The following FOCAD variants were observed in gnomAD, a reference collection of about 807,000 sequenced individuals.
The protein encoded by FOCAD is focadhesin.
In FOCAD, 198 loss-of-function variants were observed where a neutral mutation model predicts 225.6. The observed-to-expected ratio is 0.88, with a 90% CI of 0.78 to 0.99. FOCAD has a LOEUF of 0.99. Ranked by LOEUF, FOCAD falls within the 50% of genes least tolerant of loss-of-function variation. The pLI, the probability that FOCAD is intolerant of heterozygous loss-of-function variation, is 0.00. For synonymous variants in FOCAD, 897 were observed against 755.0 expected, an observed-to-expected ratio of 1.19 and a Z score of -3.08; for missense variants, 2,713 against 2,123.6, an observed-to-expected ratio of 1.28 and a Z score of -5.46.
At chr9:20,828,623 T>A (rs1256874336) in intron 15 of FOCAD, among the ~76,000 whole-genome samples, 1 of 152,118 alleles carries the variant, frequency 6.6e-6, no homozygotes, top group African/African-American at 2.4e-5. Flanking sequence ...ATTTTATTTT[T>A]AAAAATTTTG....
At chr9:20,655,908 G>A (rs1177573952), upstream of FOCAD, among the ~76,000 whole-genome samples, 2 of 151,816 alleles carry the variant, frequency 1.3e-5, no homozygotes, top group Non-Finnish European at 2.9e-5. Context: ...TCTCTTGTGG[G>A]CATTTAGTGC....
chr9:20,791,355 C>T (rs1298594106), intron 11 of FOCAD, among the ~76,000 whole-genome samples: 4 of 151,748 alleles, frequency 2.6e-5, no homozygotes, highest in Non-Finnish European at 5.9e-5. Flanking sequence ...TTTTTAGTTC[C>T]CAATTAATAA....
rs536775419 is a variant in FOCAD at position 20,832,821 on chromosome 9, A to G, written c.1920+9706A>G. 2.4e-4 allele frequency among the ~76,000 whole-genome samples: 36 copies of G among 152,136 alleles called. No homozygotes were observed. The South Asian group carries it at 4.1e-3, about 18-fold the overall frequency. Reference sequence around the variant, plus strand: ...AAGGCTGAATAATATTCCATTGTTAATATGTATTACGTTTTCTTTATCCAT... The same window carrying G: ...AAGGCTGAATAATATTCCATTGTTAGTATGTATTACGTTTTCTTTATCCAT... On this transcript the variant is annotated intron_variant, in intron 15 of 43. Coordinates refer to ENST00000338382, the MANE Select transcript of FOCAD (RefSeq NM_001375567.1).
chr9:20,954,285 G>A (rs9298812), intron 35 of FOCAD, among the ~76,000 whole-genome samples: 13 of 152,272 alleles, frequency 8.5e-5, no homozygotes, highest in Middle Eastern at 3.4e-3. Context: ...AGTAGAGATG[G>A]CTTCATTAGG....
rs1041977332 is a variant in FOCAD, at chr9:20,799,419, G to A, written c.1455+9811G>A. On this transcript the variant is annotated intron_variant, in intron 11 of 43. Transcript: ENST00000338382. Reference sequence around the variant, plus strand: ...GATACCCTTGTTAACTTTTTGTCTCGTTGATCTGTCTAATGTTGACAGTGG... The same window carrying A: ...GATACCCTTGTTAACTTTTTGTCTCATTGATCTGTCTAATGTTGACAGTGG... 5.3e-5 allele frequency among the ~76,000 whole-genome samples: 8 copies of A among 152,056 alleles called. No individual in the cohort carries two copies. In the East Asian group the frequency reaches 5.8e-4, roughly 11 times the overall value.
At chr9:20,706,426 C>A (rs1427769714) in intron 1 of FOCAD, among the ~76,000 whole-genome samples, 1 of 152,152 alleles carries the variant, frequency 6.6e-6, no homozygotes, top group Non-Finnish European at 1.5e-5. Flanking sequence ...TATTAAATGG[C>A]AGCCAGTGAG....
intron 1 of FOCAD, among the ~76,000 whole-genome samples, chr9:20,714,078 A>G (rs1825103608): frequency 6.6e-6 from 1 of 152,236 alleles, no homozygotes; most frequent in African/African-American, 2.4e-5. Flanking sequence ...AAGGGTGGAA[A>G]GTACAGATTG....
In FOCAD at chr9:20,874,712, T is replaced by G; in HGVS notation, c.2222T>G (p.Leu741Ter). ...IRPEIPIPEE[L>*]DDDEDVEDVD... ...CCAGAAATTCCCATTCCTGAAGAGT[T>G]AGATGACGATGAAGATGTTGAGGAT... The change falls in exon 19 of 44, where the codon TTA (leucine) becomes TGA (stop). Residue 741 changes from leucine (L) to a stop codon, truncating the protein, a stop_gained. Transcript: ENST00000338382. LOFTEE classifies it high-confidence loss of function. The G allele has an allele frequency of 6.2e-7, 1 of 1,613,610 alleles. No individual in the cohort carries two copies. The highest frequency in any genetic ancestry group is 8.5e-7 in the Non-Finnish European group (1 of 1,179,664).
chr9:20,677,825 C>T lies in FOCAD; in HGVS notation c.-77-16695C>T, dbSNP rs550606158. Among the ~76,000 whole-genome samples the T allele has an allele frequency of 2.0e-5, 3 of 152,182 alleles. No homozygotes were observed. The South Asian group carries it at 6.2e-4, about 31-fold the overall frequency. On this transcript the variant is annotated intron_variant, in intron 2 of 45. Coordinates refer to the FOCAD transcript ENST00000380249. ...AACTATATCTGATACTGCAATCCCACTTTTGAGTATACCTCCAAAGGAAAT... is the reference window on the plus strand; with the variant it reads ...AACTATATCTGATACTGCAATCCCATTTTTGAGTATACCTCCAAAGGAAAT...
At position 20,809,049 on chromosome 9, in the gene FOCAD, G is replaced by T. The variant is rs1822766732; in HGVS notation, c.1456-10747G>T. On this transcript the variant is annotated intron_variant, in intron 11 of 43. Transcript: ENST00000338382. ...AGCATTACGTTGCACATGTTTCTTT[G>T]TAGTTTTTTCACTTATCAAGATGTT... 3.3e-5 allele frequency among the ~76,000 whole-genome samples: 5 copies of T among 152,106 alleles called. No individual in the cohort carries two copies. The South Asian group carries it at 1.0e-3, about 32-fold the overall frequency.
At chr9:20,922,318 C>A (rs1834513871) in intron 24 of FOCAD, among the ~76,000 whole-genome samples, 1 of 150,898 alleles carries the variant, frequency 6.6e-6, no homozygotes, top group African/African-American at 2.4e-5. Context: ...TTTTGACAGG[C>A]CTTATAGAGG....
chr9:20,815,309 G>GT (rs549019890), intron 11 of FOCAD, among the ~76,000 whole-genome samples: 25,509 of 131,660 alleles, frequency 0.19, 2,709 homozygotes, highest in Non-Finnish European at 0.25. Flanking sequence ...AATTTTTGTA[G>GT]TTTTTTTTTT....
intron 5 of FOCAD, among the ~76,000 whole-genome samples, chr9:20,745,630 C>T (rs1827982275): frequency 6.6e-6 from 1 of 152,158 alleles, no homozygotes; most frequent in African/African-American, 2.4e-5. Flanking sequence ...TCTCTTCCCT[C>T]AGCTAAAGTG....
chr9:20,695,280 A>G (rs140347803), intron 1 of FOCAD, among the ~76,000 whole-genome samples: 20 of 152,244 alleles, frequency 1.3e-4, no homozygotes, highest in African/African-American at 4.8e-4. Flanking sequence ...TGGTATTCTT[A>G]CTTTTAGTGA....
intron 1 of FOCAD, among the ~76,000 whole-genome samples, chr9:20,697,016 A>G (rs1314032128): frequency 1.3e-5 from 2 of 152,152 alleles, no homozygotes; most frequent in East Asian, 3.9e-4. Context: ...CCTTGATATT[A>G]GACTTCCTGG....
rs1321184184 is a variant in FOCAD at position 20,986,359 on chromosome 9, G to A, written c.4800G>A (p.Leu1600=). Residue 1600 remains leucine (L), a synonymous_variant, in exon 40 of 44, where the codon CTG becomes CTA. Coordinates refer to ENST00000338382, the MANE Select transcript of FOCAD (RefSeq NM_001375567.1). ...AAGGACGATTCCCCTTGGTGAACCTGACCGATATGCTGAGCGTTGCTGTGC... is the reference window on the plus strand; with the variant it reads ...AAGGACGATTCCCCTTGGTGAACCTAACCGATATGCTGAGCGTTGCTGTGC... ...VSQGRFPLVN[L]TDMLSVAVQH... is the part of the protein sequence containing the mutation. The A allele has an allele frequency of 1.0e-5, 16 of 1,593,438 alleles. No individual in the cohort carries two copies. The highest frequency in any genetic ancestry group is 1.4e-5 in the Non-Finnish European group (16 of 1,171,634).
chr9:20,772,966 G>T lies in FOCAD; in HGVS notation c.906+2728G>T, dbSNP rs1487231090. On this transcript the variant is annotated intron_variant, in intron 8 of 43. Transcript: ENST00000338382. ...ATATAATCATGTTATATATAATATA[G>T]ATAGTATATAAATGCATATATAGAT... 7.2e-5 allele frequency among the ~76,000 whole-genome samples: 8 copies of T among 110,588 alleles called. No homozygotes were observed. The East Asian group carries it at 1.2e-3, about 17-fold the overall frequency. 72.6% of individuals were successfully genotyped at this position (110,588 alleles called of 152,430 possible). A position where few individuals can be genotyped will look rare whatever the true frequency, so the allele number is the denominator to read the frequency against.
chr9:20,806,407 G>T (rs1193740947), intron 11 of FOCAD, among the ~76,000 whole-genome samples: 1 of 152,068 alleles, frequency 6.6e-6, no homozygotes, highest in Non-Finnish European at 1.5e-5. Context: ...AAGATGCTAG[G>T]AATCTGGAAC....
At chr9:20,804,064 G>A (rs189754836) in intron 11 of FOCAD, among the ~76,000 whole-genome samples, 1 of 152,170 alleles carries the variant, frequency 6.6e-6, no homozygotes, top group East Asian at 2.0e-4. Flanking sequence ...ACCATTTTCT[G>A]TAGTAGAGAT....
Sources: allele counts gnomAD v4.1 joint callset (sites outside exome capture counted in the v4.1 genomes callset), GRCh38; gene constraint gnomAD v4.1.1; transcripts MANE v1.5; gene names NCBI Gene and HGNC (gene_info 2026-07-23, HGNC 2026-07-21).